The following POLG variants were observed in gnomAD, a reference collection of about 807,000 sequenced individuals.
The protein encoded by POLG is DNA polymerase subunit gamma-1.
POLG carries 110 observed loss-of-function variants against 155.4 expected under a neutral mutation model. That is an observed-to-expected ratio of 0.71 (90% CI 0.61 to 0.83). The LOEUF (loss-of-function observed/expected upper bound fraction) is 0.83, where lower values mean the gene tolerates loss of function less well. Ranked by LOEUF, POLG falls within the 40% of genes least tolerant of loss-of-function variation. The probability of loss-of-function intolerance (pLI) is 0.00; values close to 1 mark genes in which losing one functional copy is unlikely to be tolerated. For synonymous variants in POLG, 701 were observed against 631.5 expected, an observed-to-expected ratio of 1.11 and a Z score of -1.65; for missense variants, 1,685 against 1,627.5, an observed-to-expected ratio of 1.04 and a Z score of -0.61.
chr15:89,320,636 G>C (rs1186562748), intron 18 of POLG, 130 bp downstream of exon 18: 5 of 1,021,350 alleles, frequency 4.9e-6, no homozygotes, highest in Non-Finnish European at 7.3e-6. Flanking sequence ...AGGTTACACA[G>C]GTGTGGAAGG....
chr15:89,321,409 GC>G, intron 16 of POLG, 149 bp from the exon 17 acceptor site: 1 of 930,174 alleles, frequency 1.1e-6, no homozygotes, highest in Non-Finnish European at 1.7e-6. Context: ...TCCAGAGATG[GC>G]CACCTATCAG....
rs1567189957 is a variant in POLG at position 89,325,251 on chromosome 15, A to AGTGAGTGAGT, written c.1949+198_1949+199insACTCACTCAC. ...GTGAGTGAGAGAGTGAGTGAGTGAG[A>AGTGAGTGAGT]GAGAGAGTGAGTGAGTGAGTGAGAG... On this transcript the variant is annotated intron_variant, in intron 10 of 22. Transcript: ENST00000268124. Among the ~76,000 whole-genome samples, 10 of 79,642 alleles carry AGTGAGTGAGT rather than the reference A, an allele frequency of 1.3e-4. 3 individuals are homozygous for AGTGAGTGAGT. Among genetic ancestry groups the AGTGAGTGAGT allele is most frequent in the African/African-American group, 1.0e-3 (9 of 9,006 alleles). The allele number at this position is 79,642 out of a possible 152,430, so 52.2% of individuals were successfully genotyped here.
In POLG at chr15:89,327,353, G is replaced by T. The variant is rs777262260; in HGVS notation, c.1251-4C>A. On this transcript the variant is annotated splice_region_variant and splice_polypyrimidine_tract_variant and intron_variant, in intron 6 of 22. Transcript: ENST00000268124. ...CAGAGTCACTGGGTGGGGACACCTT[G>T]GAGGCAAACACCAGGAGCTGCCATA... The T allele has an allele frequency of 1.9e-6, 3 of 1,612,548 alleles. No individual in the cohort carries two copies. The African/African-American group carries it at 4.0e-5, about 22-fold the overall frequency.
At chr15:89,333,983 C>T (rs892947623) in intron 1 of POLG, 70 bp from the exon 2 acceptor site, 4 of 592,244 alleles carry the variant, frequency 6.8e-6, no homozygotes, top group Non-Finnish European at 1.2e-5. Context: ...AATCATCATT[C>T]CTTGAGCATT....
At chr15:89,331,472 C>A (rs1272355662) in intron 2 of POLG, among the ~76,000 whole-genome samples, 3 of 152,330 alleles carry the variant, frequency 2.0e-5, no homozygotes, top group African/African-American at 7.2e-5. Flanking sequence ...ATATTATAAA[C>A]TAGTGATTAA....
In POLG at chr15:89,328,932, T is replaced by C. The variant is rs1274510765; in HGVS notation, c.1023+11A>G. 6.8e-6 allele frequency: 11 copies of C among 1,614,014 alleles called. No individual in the cohort carries two copies. The highest frequency in any genetic ancestry group is 5.9e-6 in the Non-Finnish European group (7 of 1,180,042). On this transcript the variant is annotated intron_variant, in intron 4 of 22. Transcript: ENST00000268124. The stretch of plus-strand genomic sequence containing the variant: ...GCACTATGCTCCTGCCCACCGGCAG[T>C]GTGCTCTCACCGCTGGGCCTCTTCT...
chr15:89,325,370 T>C lies in POLG; in HGVS notation c.1949+80A>G, dbSNP rs1052485767. 12 of 972,580 alleles carry C rather than the reference T, an allele frequency of 1.2e-5. No homozygotes were observed. The Admixed American group carries it at 1.8e-4, about 15-fold the overall frequency. The allele number at this position is 972,580 out of a possible 1,614,324, so 60.2% of individuals were successfully genotyped here. ...AACCCAGACTCTTGAACCCAAACTC[T>C]TTCCACTAGCCTGAGCTGACCAGCC... On this transcript the variant is annotated intron_variant, in intron 10 of 22. Transcript: ENST00000268124.
At chr15:89,323,059 G>GCACA (rs55973654) in intron 13 of POLG, among the ~76,000 whole-genome samples, 157 bp from the exon 14 acceptor site, 3 of 150,620 alleles carry the variant, frequency 2.0e-5, no homozygotes, top group Non-Finnish European at 2.9e-5. Context: ...ACGCGCGCAC[G>GCACA]CACACACACA....
At chr15:89,317,104 T>C in intron 22 of POLG, 2 of 591,652 alleles carry the variant, frequency 3.4e-6, no homozygotes, top group Non-Finnish European at 6.0e-6. Context: ...AAGAATGCAC[T>C]CTATAGAATA....
At chr15:89,324,621 A>G (rs2055445461) in intron 10 of POLG, among the ~76,000 whole-genome samples, 1 of 152,218 alleles carries the variant, frequency 6.6e-6, no homozygotes, top group South Asian at 2.1e-4. Flanking sequence ...CCATGGCCCC[A>G]TAAGAGACTC....
intron 9 of POLG, 103 bp from the exon 10 acceptor site, chr15:89,325,789 G>C: frequency 1.0e-6 from 1 of 961,828 alleles, no homozygotes; most frequent in Admixed American, 1.7e-5. Context: ...CAAAGCCCTG[G>C]GGCTTTCTGG....
chr15:89,326,435 G>A lies in POLG; in HGVS notation c.1712+177C>T, dbSNP rs2074885. 0.2 allele frequency among the ~76,000 whole-genome samples: 31,107 copies of A among 152,180 alleles called. 3,448 individuals are homozygous for A. Among genetic ancestry groups the A allele is most frequent in the Middle Eastern group, 0.29 (84 of 294 alleles). On this transcript the variant is annotated intron_variant, in intron 9 of 22. Transcript: ENST00000268124. The stretch of plus-strand genomic sequence containing the variant: ...CAACACTGTGCTGAATGAGTCCAGT[G>A]AGCCGGTCCAGAGTGAGCAAATGAG...
In POLG at chr15:89,320,765, C is replaced by T; in HGVS notation, c.2981+1G>A. On this transcript the variant is annotated splice_donor_variant, in intron 18 of 22. Transcript: ENST00000268124. LOFTEE classifies it high-confidence loss of function. ...AAAGTGGATGGGAGAGGGACCCTCA[C>T]CAGCGGAGGCCCTTGGTGGCAGCGT... The T allele has an allele frequency of 6.2e-7, 1 of 1,612,828 alleles. No individual in the cohort carries two copies. Among genetic ancestry groups the T allele is most frequent in the Non-Finnish European group, 8.5e-7 (1 of 1,180,028 alleles).
In POLG at chr15:89,325,037, AGAGTGAGTGAGTGAGT is replaced by A. The variant is rs71824331; in HGVS notation, c.1949+397_1949+412del. ...CATGGAAGAAAAAACCTGAACCCAG[AGAGTGAGTGAGTGAGT>A]GAGAGAGTGAGTGAGTGAGTGAGTG... On this transcript the variant is annotated intron_variant, in intron 10 of 22. Coordinates refer to ENST00000268124, the MANE Select transcript of POLG (RefSeq NM_002693.3). Among the ~76,000 whole-genome samples the A allele has an allele frequency of 4.2e-5, 3 of 70,794 alleles. 1 individual carries two copies. The South Asian group carries it at 1.2e-3, about 29-fold the overall frequency. The allele number at this position is 70,794 out of a possible 152,430, so 46.4% of individuals were successfully genotyped here. A position where few individuals can be genotyped will look rare whatever the true frequency, so the allele number is the denominator to read the frequency against.
intron 4 of POLG, 28 bp downstream of exon 4, chr15:89,328,915 C>T: frequency 6.2e-7 from 1 of 1,614,096 alleles, no homozygotes; most frequent in Admixed American, 1.7e-5. Context: ...AAGCACTATG[C>T]TCCTGCCCAC....
At chr15:89,320,359 T>G (rs1315660589) in intron 18 of POLG, among the ~76,000 whole-genome samples, 1 of 152,194 alleles carries the variant, frequency 6.6e-6, no homozygotes, top group Non-Finnish European at 1.5e-5. Context: ...CTTTCTCCAG[T>G]ATCAACATCA....
chr15:89,318,697 AAGT>A lies in POLG; in HGVS notation c.3323_3325del (p.Tyr1108del). Reference sequence around the variant, plus strand: ...CTTCATGGCCACAAGCATGAGGTGTAAGTAGTCAACAGCAGAGCTCTGTACCAC... The same window carrying A: ...CTTCATGGCCACAAGCATGAGGTGTAAGTCAACAGCAGAGCTCTGTACCAC... On this transcript the variant is annotated inframe_deletion, in exon 21 of 23. Transcript: ENST00000268124. 2 of 1,614,216 alleles carry A rather than the reference AAGT, an allele frequency of 1.2e-6. No homozygotes were observed. Among genetic ancestry groups the A allele is most frequent in the Non-Finnish European group, 1.7e-6 (2 of 1,180,006 alleles).
In POLG at chr15:89,325,057, AGAGTGAGT is replaced by A. The variant is rs1173555720; in HGVS notation, c.1949+385_1949+392del. ...CCCAGAGAGTGAGTGAGTGAGTGAG[AGAGTGAGT>A]GAGTGAGTGAGTGAGTGAGAGAGTG... is the stretch of plus-strand genomic sequence containing the variant. On this transcript the variant is annotated intron_variant, in intron 10 of 22. Transcript: ENST00000268124. Among the ~76,000 whole-genome samples, 560 of 87,620 alleles carry A rather than the reference AGAGTGAGT, an allele frequency of 6.4e-3. 57 individuals carry two copies. Among genetic ancestry groups the A allele is most frequent in the East Asian group, 0.022 (68 of 3,138 alleles). The allele number at this position is 87,620 out of a possible 152,430, so 57.5% of individuals were successfully genotyped here. A position where few individuals can be genotyped will look rare whatever the true frequency, so the allele number is the denominator to read the frequency against.
chr15:89,323,614 G>A (rs939628861), intron 12 of POLG, 103 bp from the exon 13 acceptor site: 18 of 850,644 alleles, frequency 2.1e-5, no homozygotes, highest in Non-Finnish European at 3.0e-5. Flanking sequence ...GTCGTCATCA[G>A]CTGGGAAATG....
Sources: allele counts gnomAD v4.1 joint callset (sites outside exome capture counted in the v4.1 genomes callset), GRCh38; gene constraint gnomAD v4.1.1; transcripts MANE v1.5; gene names NCBI Gene and HGNC (gene_info 2026-07-23, HGNC 2026-07-21).